The following MYO9A variants were observed in gnomAD, a reference collection of about 807,000 sequenced individuals.
MYO9A encodes the protein unconventional myosin-IXa.
MYO9A carries 103 observed loss-of-function variants against 293.3 expected under a neutral mutation model. The ratio of observed to expected loss-of-function variants is 0.35; its 90% CI spans 0.30 to 0.41. The LOEUF is 0.41. Among genes scored for constraint, MYO9A ranks in the 10% least tolerant of loss-of-function variants. The probability of loss-of-function intolerance (pLI) is 1.00; values close to 1 mark genes in which losing one functional copy is unlikely to be tolerated. For synonymous variants in MYO9A, 1,001 were observed against 1,035.7 expected (o/e 0.97, Z 0.64); for missense variants, 2,685 against 3,033.0 (o/e 0.89, Z 2.69).
chr15:71,883,693 C>T lies in MYO9A; in HGVS notation c.5299G>A (p.Gly1767Arg), dbSNP rs757779006. The change falls in exon 28 of 42, where the codon GGG becomes AGG. Residue 1767 changes from glycine to arginine, a missense_variant. This residue lies in a region of MYO9A where 1,434 missense variants were observed against 1,497.7 expected (regional missense o/e 0.96). Transcript: ENST00000356056. ...KMRFWAKGKQGEKKTTRVKPT... is the reference protein window; with the variant it reads ...KMRFWAKGKQREKKTTRVKPT... ...TTCACTCTGGTAGTCTTCTTCTCCC[C>T]TTGTTTCCCTTTGGCCCAGAATCTC... The T allele has an allele frequency of 1.2e-6, 2 of 1,613,416 alleles. No homozygotes were observed. Among genetic ancestry groups the T allele is most frequent in the South Asian group, 2.2e-5 (2 of 91,018 alleles).
At chr15:71,894,918 C>T (rs1235310794) in intron 25 of MYO9A, among the ~76,000 whole-genome samples, 1 of 152,170 alleles carries the variant, frequency 6.6e-6, no homozygotes, top group Non-Finnish European at 1.5e-5. Flanking sequence ...TCATATCTTA[C>T]TTCCAAGGAT....
intron 28 of MYO9A, among the ~76,000 whole-genome samples, 178 bp from the exon 29 acceptor site, chr15:71,880,736 A>G (rs1287202626): frequency 1.3e-5 from 2 of 152,244 alleles, no homozygotes; most frequent in Non-Finnish European, 2.9e-5. Context: ...CAGACAGCAC[A>G]TTTGTACAGA....
chr15:72,070,904 C>G (rs1430789070), intron 1 of MYO9A, among the ~76,000 whole-genome samples: 1 of 152,156 alleles, frequency 6.6e-6, no homozygotes, highest in Admixed American at 6.5e-5. Flanking sequence ...AAAATTAACT[C>G]AAGATGGATT....
chr15:71,929,081 A>T (rs1311822516), intron 18 of MYO9A, among the ~76,000 whole-genome samples: 2 of 152,126 alleles, frequency 1.3e-5, no homozygotes, highest in South Asian at 2.1e-4. Context: ...ATTAAAAAAA[A>T]AAAAAAAGCA....
chr15:71,825,725 T>C lies in MYO9A; in HGVS notation c.*855A>G, dbSNP rs572845070. Reference sequence around the variant, plus strand: ...GCCTGAATGGCTTAGGATGAAACCTTCATAAGTTTAGGGATCACCATGTCT... The same window carrying C: ...GCCTGAATGGCTTAGGATGAAACCTCCATAAGTTTAGGGATCACCATGTCT... On this transcript the variant is annotated 3_prime_UTR_variant, in exon 42 of 42. Transcript: ENST00000356056. The C allele has an allele frequency of 1.3e-5, 2 of 152,318 alleles. No homozygotes were observed. Among genetic ancestry groups the C allele is most frequent in the Admixed American group, 6.5e-5 (1 of 15,296 alleles). 9.4% of individuals were successfully genotyped at this position (152,318 alleles called of 1,614,324 possible). A position where few individuals can be genotyped will look rare whatever the true frequency, so the allele number is the denominator to read the frequency against.
Position 71,825,985 on chromosome 15 carries a change from G to GTTTTTTTTTGTTT in MYO9A, c.*582_*594dup, listed in dbSNP as rs1206402513. ...TGATGGCTTAATGGAAACAATCACG[G>GTTTTTTTTTGTTT]TTTTTTTTTGTTTTTTTTTTTTTGT... On this transcript the variant is annotated 3_prime_UTR_variant, in exon 42 of 42. Transcript: ENST00000356056. 4.2e-5 allele frequency: 5 copies of GTTTTTTTTTGTTT among 117,684 alleles called. No individual in the cohort carries two copies. The highest frequency in any genetic ancestry group is 1.3e-4 in the African/African-American group (4 of 30,754). The allele number at this position is 117,684 out of a possible 1,614,324, so 7.3% of individuals were successfully genotyped here.
chr15:72,113,566 T>C (rs1003146859), intron 1 of MYO9A, among the ~76,000 whole-genome samples: 4 of 152,192 alleles, frequency 2.6e-5, no homozygotes, highest in Admixed American at 2.6e-4. Context: ...ATGAGACAGC[T>C]TTTTTGAAGA....
chr15:72,114,261 T>TA (rs1431601004), intron 1 of MYO9A: 3 of 152,134 alleles, frequency 2.0e-5, no homozygotes. Context: ...TTAGAATACT[T>TA]ACTCCAACAG....
At chr15:72,030,509 T>C (rs1397787268) in intron 3 of MYO9A, among the ~76,000 whole-genome samples, 1 of 152,034 alleles carries the variant, frequency 6.6e-6, no homozygotes, top group African/African-American at 2.4e-5. Context: ...ACTATATCTA[T>C]ATCTATATAT....
intron 1 of MYO9A, among the ~76,000 whole-genome samples, chr15:72,079,558 T>C (rs1334870094): frequency 2.6e-5 from 4 of 152,124 alleles, no homozygotes; most frequent in Non-Finnish European, 4.4e-5. Flanking sequence ...CATATGCATA[T>C]ATATAAGTAA....
At chr15:72,110,642 T>G (rs985527069) in intron 1 of MYO9A, among the ~76,000 whole-genome samples, 1 of 152,146 alleles carries the variant, frequency 6.6e-6, no homozygotes, top group Non-Finnish European at 1.5e-5. Flanking sequence ...AAATACATTC[T>G]AAAATCCATT....
At position 72,095,968 on chromosome 15, in the gene MYO9A, ACCAACCTGG is replaced by A. The variant is rs948506139; in HGVS notation, c.-72+21703_-72+21711del. ...GATCACCTGAGGTCAAGAGTTTGAG[ACCAACCTGG>A]CCAACTTGGAAAAACCCCATCTCTA... is the stretch of plus-strand genomic sequence containing the variant. On this transcript the variant is annotated intron_variant, in intron 1 of 41. Transcript: ENST00000356056. Among the ~76,000 whole-genome samples the A allele has an allele frequency of 2.0e-5, 3 of 151,920 alleles. No homozygotes were observed. In the East Asian group the frequency reaches 5.8e-4, roughly 29 times the overall value.
intron 33 of MYO9A, among the ~76,000 whole-genome samples, chr15:71,862,073 A>G (rs1384753299): frequency 6.6e-6 from 1 of 152,218 alleles, no homozygotes; most frequent in Non-Finnish European, 1.5e-5. Context: ...CAGAGGTTGC[A>G]GTGAGCTGAG....
Position 72,096,675 on chromosome 15 carries a change from T to C in MYO9A, c.-72+21005A>G, listed in dbSNP as rs940205169. ...ATATTTCATGAGGCTTTAGCTGCCA[T>C]AGACAGTGATTCCCCTTATGGATCT... is the stretch of plus-strand genomic sequence containing the variant. On this transcript the variant is annotated intron_variant, in intron 1 of 41. Coordinates refer to ENST00000356056, the MANE Select transcript of MYO9A (RefSeq NM_006901.4). 1.2e-4 allele frequency among the ~76,000 whole-genome samples: 18 copies of C among 152,348 alleles called. No homozygotes were observed. In the Middle Eastern group the frequency reaches 0.01, roughly 86 times the overall value.
chr15:71,888,419 G>T (rs1166435843), intron 26 of MYO9A: 6 of 178,236 alleles, frequency 3.4e-5, no homozygotes, highest in Non-Finnish European at 5.8e-5. Context: ...GACAAAAGAT[G>T]CAGGATCTAA....
intron 37 of MYO9A, 64 bp downstream of exon 37, chr15:71,851,189 C>T: frequency 7.9e-7 from 1 of 1,267,222 alleles, no homozygotes; most frequent in South Asian, 1.3e-5. Context: ...GGAGAAATTC[C>T]TTATCTATTT....
At chr15:71,908,681 C>T (rs1381600632) in intron 19 of MYO9A, among the ~76,000 whole-genome samples, 1 of 152,162 alleles carries the variant, frequency 6.6e-6, no homozygotes, top group Non-Finnish European at 1.5e-5. Context: ...CCATATGCCC[C>T]TTTACCCTCA....
At chr15:71,866,100 T>C (rs557777861) in intron 32 of MYO9A, among the ~76,000 whole-genome samples, 3 of 152,348 alleles carry the variant, frequency 2.0e-5, no homozygotes, top group Non-Finnish European at 4.4e-5. Context: ...TTGATTCACG[T>C]TGATGGCAGT....
At chr15:71,855,848 T>A (rs1193530731) in intron 34 of MYO9A, among the ~76,000 whole-genome samples, 1 of 152,206 alleles carries the variant, frequency 6.6e-6, no homozygotes, top group Non-Finnish European at 1.5e-5. Flanking sequence ...CTCAAAAACC[T>A]TTAGCGGCTA....
Sources: gnomAD v4.1 joint callset for allele counts (sites outside exome capture counted in the v4.1 genomes callset) on GRCh38, gnomAD v4.1.1 for gene constraint, gnomAD v4.1.1 regional missense constraint, MANE v1.5 for transcripts, NCBI Gene and HGNC (gene_info 2026-07-23, HGNC 2026-07-21) for gene names.